Variants in NLRC5 observed in about 807,000 individuals in gnomAD.
NLRC5 encodes the protein NLR family CARD domain containing 5, also known as protein NLRC5.
In NLRC5, 114 loss-of-function variants were observed where a neutral mutation model predicts 206.9. The ratio of observed to expected loss-of-function variants is 0.55; its 90% CI spans 0.47 to 0.64. The LOEUF is 0.64. NLRC5 is among the 30% of genes least tolerant of loss of function. NLRC5 has a pLI of 0.00. For synonymous variants in NLRC5, 952 were observed against 962.8 expected (o/e 0.99, Z 0.21); for missense variants, 2,008 against 2,305.5 (o/e 0.87, Z 2.64).
chr16:57,045,541 C>T (rs747284234), intron 21 of NLRC5, 49 bp downstream of exon 21: 1 of 1,592,842 alleles, frequency 6.3e-7, no homozygotes, highest in Non-Finnish European at 8.6e-7. Context: ...GCTCTGGTCC[C>T]CGTCTGTTGG....
intron 43 of NLRC5, 65 bp from the exon 44 acceptor site, chr16:57,078,974 CCTGAGACAAGG>C (rs2068783468): frequency 6.7e-6 from 9 of 1,348,946 alleles, no homozygotes; most frequent in Non-Finnish European, 9.5e-6. Context: ...GGCACTGCAG[CCTGAGACAAGG>C]CTGAGGGTGG....
intron 1 of NLRC5, chr16:56,990,797 G>C (rs1567487422): frequency 6.6e-6 from 1 of 152,040 alleles, no homozygotes; most frequent in East Asian, 1.9e-4. Context: ...AAAGCCATGG[G>C]CTTTTCAGAT....
rs367826364 is a variant in NLRC5 at position 57,027,026 on chromosome 16, A to C, written c.2075+8A>C. ...GCAGATAGAGAATCTCAGGTGAGTA[A>C]GAGTGGAGGAGGACCGGGGAGGGGA... is the stretch of plus-strand genomic sequence containing the variant. On this transcript the variant is annotated splice_region_variant and intron_variant, in intron 6 of 48. Coordinates refer to ENST00000688547, the MANE Select transcript of NLRC5 (RefSeq NM_001384950.1). 1.9e-6 allele frequency: 3 copies of C among 1,609,268 alleles called. No homozygotes were observed. Among genetic ancestry groups the C allele is most frequent in the Non-Finnish European group, 2.5e-6 (3 of 1,176,614 alleles).
At chr16:57,080,718 T>C (rs770653828) in intron 46 of NLRC5, 16 of 183,008 alleles carry the variant, frequency 8.7e-5, no homozygotes, top group Admixed American at 6.0e-5. Flanking sequence ...CACCTGACCT[T>C]GGCCTCCCAA....
intron 47 of NLRC5, 76 bp downstream of exon 47, chr16:57,081,257 TC>T: frequency 1.4e-6 from 2 of 1,388,838 alleles, no homozygotes; most frequent in Non-Finnish European, 2.0e-6. Context: ...GGCCACTGGG[TC>T]AGTCCCCTGC....
At chr16:57,073,137 G>T (rs1440567258) in intron 38 of NLRC5, among the ~76,000 whole-genome samples, 1 of 152,198 alleles carries the variant, frequency 6.6e-6, no homozygotes, top group African/African-American at 2.4e-5. Context: ...GGGCACCTGG[G>T]CCGGGGACAG....
At position 57,025,877 on chromosome 16, in the gene NLRC5, G is replaced by A. The variant is rs750890230; in HGVS notation, c.934G>A (p.Ala312Thr). ...VLLIFDGLDE[A>T]LQPMGPDGPG... The stretch of plus-strand genomic sequence containing the variant: ...GCTGATCTTTGATGGGCTAGATGAG[G>A]CCCTCCAGCCTATGGGTCCTGATGG... The change falls in exon 6 of 49, where the codon GCC (alanine) becomes ACC (threonine). Residue 312 changes from alanine to threonine, a missense_variant. Ala to Thr is a moderately conservative substitution (Grantham distance 58). Transcript: ENST00000688547. 6 of 1,614,228 alleles carry A rather than the reference G, an allele frequency of 3.7e-6. No homozygotes were observed. Among genetic ancestry groups the A allele is most frequent in the Non-Finnish European group, 5.1e-6 (6 of 1,180,042 alleles).
chr16:57,082,531 G>GC lies in NLRC5; in HGVS notation c.*8dup, dbSNP rs760696723. 1.2e-6 allele frequency: 2 copies of GC among 1,602,736 alleles called. No individual in the cohort carries two copies. The highest frequency in any genetic ancestry group is 2.7e-5 in the African/African-American group (2 of 74,686). ...CCCAGGCCCCTTGGGGTACTTGATG[G>GC]CCCCCTCAAGACCTTTGGAATCCAG... On this transcript the variant is annotated 3_prime_UTR_variant, in exon 49 of 49. Transcript: ENST00000688547.
In NLRC5 at chr16:57,030,079, G is replaced by C. The variant is rs2061633892; in HGVS notation, c.2412G>C (p.Gln804His). The C allele has an allele frequency of 6.2e-7, 1 of 1,613,942 alleles. No individual in the cohort carries two copies. The highest frequency in any genetic ancestry group is 2.2e-5 in the East Asian group (1 of 44,880). The change falls in exon 10 of 49, where the codon CAG becomes CAC. Residue 804 changes from glutamine (Q) to histidine (H), a missense_variant. Transcript: ENST00000688547. ...CGTGTCCTACCGTCAGGATGCTTCA[G>C]GCCAGGTGAGCAGAAGGAAAGGGAT... ...AVTCPTVRML[Q>H]AREADLIFLL...
chr16:57,020,920 C>A lies in NLRC5; in HGVS notation c.208C>A (p.Gln70Lys), dbSNP rs1439696673. Residue 70 changes from glutamine to lysine, a missense_variant, in exon 3 of 49, where the codon CAG becomes AAG. By Grantham distance (53) the Gln-to-Lys change is moderately conservative. Transcript: ENST00000688547. ...KLHVQGSDTW[Q>K]SFIHCVCMQL... ...GCATGTCCAGGGTTCGGACACCTGG[C>A]AGTCTTTCATTCATTGTGTGTGCAT... The A allele has an allele frequency of 5.0e-6, 8 of 1,613,870 alleles. No homozygotes were observed. Among genetic ancestry groups the A allele is most frequent in the Non-Finnish European group, 6.8e-6 (8 of 1,179,996 alleles).
At chr16:57,078,368 G>A (rs776353364) in intron 43 of NLRC5, among the ~76,000 whole-genome samples, 1 of 151,988 alleles carries the variant, frequency 6.6e-6, no homozygotes, top group Non-Finnish European at 1.5e-5. Context: ...AGAGGGCTTC[G>A]CAGGAGCACG....
intron 47 of NLRC5, 120 bp from the exon 48 acceptor site, chr16:57,081,407 G>C (rs1420922059): frequency 2.0e-6 from 2 of 1,019,464 alleles, no homozygotes; most frequent in African/African-American, 3.2e-5. Flanking sequence ...GGTTCCCTGA[G>C]AAGGTAGTGT....
At chr16:57,081,712 AT>A in intron 48 of NLRC5, 102 bp downstream of exon 48, 1 of 1,002,396 alleles carries the variant, frequency 1.0e-6, no homozygotes, top group Non-Finnish European at 1.5e-6. Context: ...TGGGCTGGGG[AT>A]TATCAAAGGA....
chr16:57,061,778 C>T (rs1567625664), intron 32 of NLRC5, 77 bp downstream of exon 32: 3 of 1,563,966 alleles, frequency 1.9e-6, no homozygotes, highest in Admixed American at 1.9e-5. Context: ...GTAAGAGGCC[C>T]CCAGGATCAT....
Position 57,026,658 on chromosome 16 carries a change from C to A in NLRC5, c.1715C>A (p.Thr572Asn), listed in dbSNP as rs544882810. ...PTFLAGLASC[T>N]CRPFLSHLAQ... Reference sequence around the variant, plus strand: ...TTCCTGGCGGGCCTGGCATCCTGCACCTGCCGCCCCTTCCTTAGCCACCTG... The same window carrying A: ...TTCCTGGCGGGCCTGGCATCCTGCAACTGCCGCCCCTTCCTTAGCCACCTG... The change falls in exon 6 of 49, where the codon ACC becomes AAC. Residue 572 changes from threonine (T) to asparagine (N), a missense_variant. Coordinates refer to ENST00000688547, the MANE Select transcript of NLRC5 (RefSeq NM_001384950.1). The A allele has an allele frequency of 6.2e-7, 1 of 1,614,046 alleles. No homozygotes were observed. Among genetic ancestry groups the A allele is most frequent in the South Asian group, 1.1e-5 (1 of 91,090 alleles).
Position 57,047,789 on chromosome 16 carries a change from C to G in NLRC5, c.3422+161C>G, listed in dbSNP as rs966477224. The G allele has an allele frequency of 4.5e-5, 29 of 645,702 alleles. No individual in the cohort carries two copies. In the Middle Eastern group the frequency reaches 1.5e-3, roughly 33 times the overall value. The allele number at this position is 645,702 out of a possible 1,614,324, so 40.0% of individuals were successfully genotyped here. On this transcript the variant is annotated intron_variant, in intron 23 of 48. Transcript: ENST00000688547. ...TGGCCTTTGGTAGAAACTTGGCTGT[C>G]TCTCGGCAGCCCCCAGCCTTAGGCA...
chr16:57,058,846 A>G (rs766126449), intron 28 of NLRC5, 126 bp from the exon 29 acceptor site: 1 of 814,928 alleles, frequency 1.2e-6, no homozygotes, highest in South Asian at 1.4e-5. Context: ...CATCTGGAGA[A>G]TAGATGCTTA....
chr16:57,040,876 C>T (rs1464730788), intron 17 of NLRC5, among the ~76,000 whole-genome samples, 158 bp downstream of exon 17: 4 of 152,144 alleles, frequency 2.6e-5, no homozygotes, highest in Non-Finnish European at 5.9e-5. Context: ...TACCTCCTAC[C>T]TCCCCTGCCC....
intron 1 of NLRC5, among the ~76,000 whole-genome samples, chr16:56,995,357 G>A (rs1179950037): frequency 5.3e-5 from 8 of 152,208 alleles, no homozygotes; most frequent in Admixed American, 4.6e-4. Flanking sequence ...GGCTGCTCCC[G>A]CTGACATCCA....
Sources: gnomAD v4.1 joint callset for allele counts (sites outside exome capture counted in the v4.1 genomes callset) on GRCh38, gnomAD v4.1.1 for gene constraint, MANE v1.5 for transcripts, NCBI Gene and HGNC (gene_info 2026-07-23, HGNC 2026-07-21) for gene names.